CACNG3: variants seen among roughly 807,000 people sequenced by gnomAD.
The protein encoded by CACNG3 is calcium voltage-gated channel auxiliary subunit gamma 3, also known as voltage-dependent calcium channel gamma-3 subunit.
A neutral mutation model predicts 28.5 loss-of-function variants in CACNG3; 3 were observed. That is an observed-to-expected ratio of 0.11 (90% CI 0.05 to 0.27). CACNG3 has a LOEUF of 0.27. Ranked by LOEUF, CACNG3 falls within the 10% of genes least tolerant of loss-of-function variation. CACNG3 has a pLI of 1.00. For synonymous variants in CACNG3, 174 were observed against 162.2 expected (o/e 1.07, Z -0.55); for missense variants, 236 against 414.4 (o/e 0.57, Z 3.74).
chr16:24,333,912 T>A (rs1899666109), intron 1 of CACNG3, among the ~76,000 whole-genome samples: 1 of 152,056 alleles, frequency 6.6e-6, no homozygotes, highest in Non-Finnish European at 1.5e-5. Flanking sequence ...AAAGTAAGAA[T>A]CCCTGGGAGC....
chr16:24,332,276 C>T (rs1899641297), intron 1 of CACNG3, among the ~76,000 whole-genome samples: 1 of 152,054 alleles, frequency 6.6e-6, no homozygotes, highest in African/African-American at 2.4e-5. Flanking sequence ...AACTGGACAA[C>T]ATAGTGAGAC....
intron 1 of CACNG3, among the ~76,000 whole-genome samples, chr16:24,266,685 T>C (rs953722223): frequency 3.9e-5 from 6 of 152,194 alleles, no homozygotes; most frequent in Non-Finnish European, 8.8e-5. Context: ...TGAAGCTTTT[T>C]CTAAAATGGT....
At chr16:24,317,626 GACAGACAGAAAGAAAGAAAAGA>G (rs1567217528) in intron 1 of CACNG3, among the ~76,000 whole-genome samples, 645 of 46,190 alleles carry the variant, frequency 0.014, 59 homozygotes, top group Middle Eastern at 0.029. Flanking sequence ...AAGAAAGAAA[GACAGACAGAAAGAAAGAAAAGA>G]AAAGAAAGAA....
intron 1 of CACNG3, among the ~76,000 whole-genome samples, chr16:24,286,577 A>G (rs1229105019): frequency 6.6e-6 from 1 of 152,176 alleles, no homozygotes; most frequent in Non-Finnish European, 1.5e-5. Context: ...GCTGGCCCCC[A>G]GAGGACACTG....
chr16:24,329,155 T>C (rs952055551), intron 1 of CACNG3, among the ~76,000 whole-genome samples: 3 of 152,212 alleles, frequency 2.0e-5, no homozygotes, highest in Admixed American at 2.0e-4. Context: ...TCCAGGTCTT[T>C]ACCTTGCAGA....
In CACNG3 at chr16:24,343,041, T is replaced by C. The variant is rs372387348; in HGVS notation, c.212-3693T>C. ...CCTTTCTCTACTAAAAATAAAAAATTAGCTGGGCATAGTGGTGCATGCCTG... is the reference window on the plus strand; with the variant it reads ...CCTTTCTCTACTAAAAATAAAAAATCAGCTGGGCATAGTGGTGCATGCCTG... On this transcript the variant is annotated intron_variant, in intron 1 of 3. Transcript: ENST00000005284. Among the ~76,000 whole-genome samples, 5 of 152,106 alleles carry C rather than the reference T, an allele frequency of 3.3e-5. No individual in the cohort carries two copies. In the South Asian group the frequency reaches 6.2e-4, roughly 19 times the overall value.
intron 1 of CACNG3, among the ~76,000 whole-genome samples, chr16:24,332,860 T>C (rs1899649749): frequency 6.6e-6 from 1 of 152,194 alleles, no homozygotes; most frequent in African/African-American, 2.4e-5. Flanking sequence ...AGCCTGGTTC[T>C]GATTGCCAGC....
intron 3 of CACNG3, among the ~76,000 whole-genome samples, chr16:24,358,849 C>A (rs1900069630): frequency 6.6e-6 from 1 of 152,270 alleles, no homozygotes; most frequent in South Asian, 2.1e-4. Context: ...AAGTTACTTA[C>A]CTTCTCTGTG....
intron 1 of CACNG3, among the ~76,000 whole-genome samples, chr16:24,304,753 G>C (rs1899162613): frequency 6.6e-6 from 1 of 152,002 alleles, no homozygotes. Flanking sequence ...GTAGAGACAG[G>C]GTCTCACCAT....
At chr16:24,282,038 T>A (rs2141351542) in intron 1 of CACNG3, among the ~76,000 whole-genome samples, 1 of 152,262 alleles carries the variant, frequency 6.6e-6, no homozygotes, top group South Asian at 2.1e-4. Flanking sequence ...TATGACACCA[T>A]CCTGAGTTAG....
At position 24,328,405 on chromosome 16, in the gene CACNG3, G is replaced by A. The variant is rs376138199; in HGVS notation, c.212-18329G>A. Among the ~76,000 whole-genome samples the A allele has an allele frequency of 1.0e-4, 15 of 149,150 alleles. No individual in the cohort carries two copies. In the East Asian group the frequency reaches 1.8e-3, roughly 17 times the overall value. On this transcript the variant is annotated intron_variant, in intron 1 of 3. Transcript: ENST00000005284. ...CTGGGGCCACATCACAGAGGATCTC[G>A]TAGGCCAGGTTAAGGACTTTTGTCA...
At chr16:24,357,032 T>C (rs2141384796) in intron 3 of CACNG3, among the ~76,000 whole-genome samples, 1 of 152,110 alleles carries the variant, frequency 6.6e-6, no homozygotes, top group African/African-American at 2.4e-5. Flanking sequence ...GTCAGGAGTT[T>C]GAGACAATCC....
At position 24,361,870 on chromosome 16, in the gene CACNG3, C is replaced by T; in HGVS notation, c.*7C>T. ...GCGCACCACGCCCGTCTGAACTGAC[C>T]TCTGACCTCTGCCCCACGCCCAGCA... On this transcript the variant is annotated 3_prime_UTR_variant, in exon 4 of 4. Transcript: ENST00000005284. This position sits in a 1 kb window ranked among gnomAD's most constrained non-coding sequence, Gnocchi z 6.8. 3.8e-6 allele frequency: 6 copies of T among 1,593,718 alleles called. No homozygotes were observed. Among genetic ancestry groups the T allele is most frequent in the Non-Finnish European group, 5.1e-6 (6 of 1,173,230 alleles).
At chr16:24,339,282 T>A (rs540920768) in intron 1 of CACNG3, among the ~76,000 whole-genome samples, 4 of 152,334 alleles carry the variant, frequency 2.6e-5, no homozygotes, top group Admixed American at 2.6e-4. Flanking sequence ...ACTTAATTAT[T>A]ACAGCTTTAT....
intron 1 of CACNG3, among the ~76,000 whole-genome samples, chr16:24,311,115 A>C (rs561829433): frequency 2.0e-5 from 3 of 152,364 alleles, no homozygotes; most frequent in African/African-American, 7.2e-5. Context: ...AGATAGATCC[A>C]AGGCAATTTA....
intron 1 of CACNG3, among the ~76,000 whole-genome samples, chr16:24,320,069 C>T (rs1392216607): frequency 2.0e-5 from 3 of 152,154 alleles, no homozygotes; most frequent in African/African-American, 7.2e-5. Flanking sequence ...CAAGTGACTC[C>T]ATTTTTATTC....
chr16:24,291,837 G>A (rs749110443), intron 1 of CACNG3, among the ~76,000 whole-genome samples: 14 of 152,128 alleles, frequency 9.2e-5, no homozygotes, highest in East Asian at 1.9e-4. Context: ...TGCATTCTAC[G>A]GGGCATACAG....
chr16:24,339,773 A>G (rs1899759581), intron 1 of CACNG3, among the ~76,000 whole-genome samples: 1 of 152,124 alleles, frequency 6.6e-6, no homozygotes, highest in Non-Finnish European at 1.5e-5. Flanking sequence ...ATAACTCTTA[A>G]TTCTGTTTTA....
chr16:24,354,140 C>A (rs759271048), intron 2 of CACNG3, among the ~76,000 whole-genome samples: 1 of 151,990 alleles, frequency 6.6e-6, no homozygotes. Flanking sequence ...TACAGTGAGC[C>A]GTGATTGCAC....
Sources: gnomAD v4.1 joint callset for allele counts (sites outside exome capture counted in the v4.1 genomes callset) on GRCh38, gnomAD v4.1.1 for gene constraint, Gnocchi (gnomAD v3.1) non-coding constraint, MANE v1.5 for transcripts, NCBI Gene and HGNC (gene_info 2026-07-23, HGNC 2026-07-21) for gene names.